Variants in MIPOL1 observed in about 807,000 individuals in gnomAD.
MIPOL1 encodes mirror-image polydactyly gene 1 protein.
In MIPOL1, 57 loss-of-function variants were observed where a neutral mutation model predicts 60.9. The observed-to-expected ratio is 0.94, with a 90% confidence interval of 0.76 to 1.17. The LOEUF (loss-of-function observed/expected upper bound fraction) is 1.17, where lower values mean the gene tolerates loss of function less well. Among genes scored for constraint, MIPOL1 ranks in the 50% most tolerant of loss-of-function variants. MIPOL1 has a pLI of 0.00. For synonymous variants in MIPOL1, 179 were observed against 168.8 expected (o/e 1.06, Z -0.47); for missense variants, 551 against 511.6 (o/e 1.08, Z -0.74).
intron 9 of MIPOL1, among the ~76,000 whole-genome samples, chr14:37,316,789 CA>C (rs1202995499): frequency 2.0e-5 from 3 of 151,840 alleles, no homozygotes; most frequent in Non-Finnish European, 4.4e-5. Context: ...CCAGCCTGGC[CA>C]ACATGGTGAA....
intron 11 of MIPOL1, among the ~76,000 whole-genome samples, chr14:37,446,129 A>T (rs2094330340): frequency 6.6e-6 from 1 of 152,252 alleles, no homozygotes; most frequent in African/African-American, 2.4e-5. Context: ...CATCAGAGTG[A>T]ACAGGCAACC....
rs560610042 is a variant in MIPOL1 at position 37,450,952 on chromosome 14, C to G, written c.1031+28003C>G. On this transcript the variant is annotated intron_variant, in intron 11 of 12. Transcript: ENST00000684589. ...TGAATAAAAAAATATTTTTAAGAAG[C>G]CTTGTACCCTGATAACGTAAAATAT... Among the ~76,000 whole-genome samples, 55 of 152,002 alleles carry G rather than the reference C, an allele frequency of 3.6e-4. 1 individual carries two copies. In the South Asian group the frequency reaches 7.5e-3, roughly 21 times the overall value.
At chr14:37,322,527 CAGG>C (rs1427262843) in intron 9 of MIPOL1, among the ~76,000 whole-genome samples, 1 of 151,804 alleles carries the variant, frequency 6.6e-6, no homozygotes, top group Non-Finnish European at 1.5e-5. Flanking sequence ...GTACTTGGCT[CAGG>C]AGGATTTTTT....
At chr14:37,439,106 T>A (rs1187754028) in intron 11 of MIPOL1, among the ~76,000 whole-genome samples, 1 of 152,210 alleles carries the variant, frequency 6.6e-6, no homozygotes, top group African/African-American at 2.4e-5. Context: ...TCAAATAGAT[T>A]ATAATTAACT....
rs926522839 is a variant in MIPOL1 at position 37,547,112 on chromosome 14, A to G, written c.*141A>G. On this transcript the variant is annotated 3_prime_UTR_variant, in exon 13 of 13. Coordinates refer to ENST00000684589, the MANE Select transcript of MIPOL1 (RefSeq NM_001388067.1). ...CTCCAACCACATTCCAAGCTGAGATAAAATCAAATCACAAATGTTTAACCA... is the reference window on the plus strand; with the variant it reads ...CTCCAACCACATTCCAAGCTGAGATGAAATCAAATCACAAATGTTTAACCA... The G allele has an allele frequency of 2.6e-5, 17 of 654,640 alleles. No individual in the cohort carries two copies. Among genetic ancestry groups the G allele is most frequent in the African/African-American group, 2.6e-4 (14 of 54,402 alleles). The allele number at this position is 654,640 out of a possible 1,614,324, so 40.6% of individuals were successfully genotyped here. A position where few individuals can be genotyped will look rare whatever the true frequency, so the allele number is the denominator to read the frequency against.
In MIPOL1 at chr14:37,218,479, C is replaced by T. The variant is rs569928855; in HGVS notation, c.-199+20375C>T. 5.3e-5 allele frequency among the ~76,000 whole-genome samples: 8 copies of T among 152,190 alleles called. No homozygotes were observed. In the South Asian group the frequency reaches 6.2e-4, roughly 12 times the overall value. ...CTGGGATCACAGACGTGAGCCACTG[C>T]GCCTGGCCGATTTTATCTCTTATAA... On this transcript the variant is annotated intron_variant, in intron 1 of 12. Transcript: ENST00000684589.
At chr14:37,339,571 G>GA (rs993501185) in intron 9 of MIPOL1, among the ~76,000 whole-genome samples, 1 of 152,062 alleles carries the variant, frequency 6.6e-6, no homozygotes, top group Non-Finnish European at 1.5e-5. Context: ...TTATCAAAAG[G>GA]AAAATGGATA....
At chr14:37,369,266 A>G (rs1185197131) in intron 9 of MIPOL1, among the ~76,000 whole-genome samples, 1 of 152,192 alleles carries the variant, frequency 6.6e-6, no homozygotes, top group Admixed American at 6.5e-5. Flanking sequence ...TTAATTTTAT[A>G]AAACTATTTT....
chr14:37,362,905 A>G (rs933900628), intron 9 of MIPOL1, among the ~76,000 whole-genome samples: 22 of 152,054 alleles, frequency 1.4e-4, no homozygotes, highest in African/African-American at 5.1e-4. Flanking sequence ...TGAATCGGCT[A>G]TTGAAGCTTG....
chr14:37,363,361 G>C (rs2092352285), intron 9 of MIPOL1, among the ~76,000 whole-genome samples: 1 of 152,162 alleles, frequency 6.6e-6, no homozygotes, highest in African/African-American at 2.4e-5. Context: ...TCTTCTAACA[G>C]TCAGGTCCCT....
At chr14:37,247,531 A>C (rs1973375218) in intron 2 of MIPOL1, among the ~76,000 whole-genome samples, 1 of 152,076 alleles carries the variant, frequency 6.6e-6, no homozygotes, top group Non-Finnish European at 1.5e-5. Context: ...TAAATGCTTA[A>C]AATTGTAGTT....
intron 1 of MIPOL1, among the ~76,000 whole-genome samples, chr14:37,216,313 T>C (rs1567021549): frequency 6.6e-6 from 1 of 152,220 alleles, no homozygotes; most frequent in Non-Finnish European, 1.5e-5. Flanking sequence ...GAGAGAGAGA[T>C]AGGCTTCAAT....
intron 10 of MIPOL1, among the ~76,000 whole-genome samples, chr14:37,418,392 C>G (rs1281290362): frequency 6.6e-6 from 1 of 152,062 alleles, no homozygotes; most frequent in Non-Finnish European, 1.5e-5. Context: ...TGGCATTGGT[C>G]AAGACTGATA....
intron 11 of MIPOL1, among the ~76,000 whole-genome samples, chr14:37,496,816 G>T (rs2095137806): frequency 6.6e-6 from 1 of 152,114 alleles, no homozygotes; most frequent in South Asian, 2.1e-4. Context: ...AAGTTCGTAT[G>T]GAACCAAAAA....
At chr14:37,308,201 C>G in intron 8 of MIPOL1, 112 bp downstream of exon 8, 4 of 1,220,610 alleles carry the variant, frequency 3.3e-6, no homozygotes, top group Non-Finnish European at 4.6e-6. Flanking sequence ...AATTGACACA[C>G]TAATAATGTA....
At chr14:37,239,287 C>T (rs1341682170) in intron 1 of MIPOL1, among the ~76,000 whole-genome samples, 1 of 151,992 alleles carries the variant, frequency 6.6e-6, no homozygotes, top group African/African-American at 2.4e-5. Flanking sequence ...CCTTGTGATC[C>T]ACCCACCTCA....
intron 11 of MIPOL1, among the ~76,000 whole-genome samples, chr14:37,447,025 G>A (rs952306103): frequency 6.6e-6 from 1 of 151,776 alleles, no homozygotes; most frequent in Non-Finnish European, 1.5e-5. Flanking sequence ...GTATACATAT[G>A]TAACTAACCT....
At chr14:37,496,996 C>T (rs1291770293) in intron 11 of MIPOL1, among the ~76,000 whole-genome samples, 2 of 149,962 alleles carry the variant, frequency 1.3e-5, no homozygotes, top group African/African-American at 5.0e-5. Flanking sequence ...GAAATAACAC[C>T]GCATAGATCT....
intron 12 of MIPOL1, among the ~76,000 whole-genome samples, chr14:37,529,023 T>C (rs1163431683): frequency 6.6e-6 from 1 of 152,190 alleles, no homozygotes; most frequent in African/African-American, 2.4e-5. Flanking sequence ...TTCGAAGTAC[T>C]ATGCCTGTGG....
Sources: gnomAD v4.1 joint callset for allele counts (sites outside exome capture counted in the v4.1 genomes callset) on GRCh38, gnomAD v4.1.1 for gene constraint, MANE v1.5 for transcripts, NCBI Gene and HGNC (gene_info 2026-07-23, HGNC 2026-07-21) for gene names.